The following NPAS2 variants were observed in gnomAD, a reference collection of about 807,000 sequenced individuals.
NPAS2 encodes neuronal PAS domain-containing protein 2.
Under a neutral mutation model 107.5 loss-of-function variants are expected in NPAS2, and 23 were observed. The ratio of observed to expected loss-of-function variants is 0.21; its 90% CI spans 0.15 to 0.30. The LOEUF (loss-of-function observed/expected upper bound fraction) is 0.30. NPAS2 is among the 10% of genes least tolerant of loss of function. The pLI is 1.00. For synonymous variants in NPAS2, 403 were observed against 417.5 expected, an observed-to-expected ratio of 0.97 and a Z score of 0.42; for missense variants, 756 against 1,043.3, an observed-to-expected ratio of 0.72 and a Z score of 3.79.
chr2:100,976,438 A>G lies in NPAS2; in HGVS notation c.1392+871A>G, dbSNP rs564577215. Among the ~76,000 whole-genome samples, 3 of 152,198 alleles carry G rather than the reference A, an allele frequency of 2.0e-5. No individual in the cohort carries two copies. In the South Asian group the frequency reaches 6.2e-4, roughly 32 times the overall value. On this transcript the variant is annotated intron_variant, in intron 14 of 20. Transcript: ENST00000335681. The surrounding 1 kb of genome is among the most constrained non-coding windows in gnomAD (Gnocchi z 4.1). ...GACCTAGCCACGGAAGTCATATAGT[A>G]TCACCACTGCCATACCTCTTGGTCA...
upstream of NPAS2, among the ~76,000 whole-genome samples, chr2:100,819,880 T>C (rs1175203050): frequency 6.6e-6 from 1 of 151,924 alleles, no homozygotes; most frequent in Non-Finnish European, 1.5e-5. This position sits in a 1 kb window ranked among gnomAD's most constrained non-coding sequence, Gnocchi z 5.8. Flanking sequence ...CAGCAGAGGC[T>C]GCGGCGGCCT....
At chr2:100,839,000 C>T (rs762264319) in intron 1 of NPAS2, among the ~76,000 whole-genome samples, 1 of 152,182 alleles carries the variant, frequency 6.6e-6, no homozygotes, top group Non-Finnish European at 1.5e-5. Context: ...CCTGACTCTC[C>T]TGCCTCCCCT....
chr2:100,839,624 A>G (rs900724729), intron 1 of NPAS2, among the ~76,000 whole-genome samples: 1 of 152,160 alleles, frequency 6.6e-6, no homozygotes, highest in Admixed American at 6.5e-5. Context: ...TAGGTTATTC[A>G]TAGTTAAGTT....
At chr2:100,974,743 C>A (rs562036099) in intron 12 of NPAS2, 60 bp from the exon 13 acceptor site, 8 of 1,554,748 alleles carry the variant, frequency 5.1e-6, no homozygotes, top group Non-Finnish European at 1.7e-6. Context: ...ACTAAAGTCA[C>A]GCCCACTGAT....
chr2:100,973,048 G>A (rs1400279094), intron 12 of NPAS2, among the ~76,000 whole-genome samples: 6 of 152,094 alleles, frequency 3.9e-5, no homozygotes, highest in East Asian at 3.9e-4. Flanking sequence ...GCATGGTGGC[G>A]TGCACCTGTA....
intron 5 of NPAS2, among the ~76,000 whole-genome samples, chr2:100,941,745 C>A (rs1212890002): frequency 1.3e-5 from 2 of 152,084 alleles, no homozygotes; most frequent in African/African-American, 4.8e-5. Flanking sequence ...GCATGAGTCA[C>A]GTGCCTTGGA....
chr2:100,841,108 T>A (rs576446037), intron 1 of NPAS2, among the ~76,000 whole-genome samples: 4 of 152,156 alleles, frequency 2.6e-5, no homozygotes, highest in Admixed American at 6.5e-5. Context: ...GCCTGGCATA[T>A]AGTGAGCAAA....
At chr2:100,973,549 C>A (rs1408428840) in intron 12 of NPAS2, among the ~76,000 whole-genome samples, 6 of 152,202 alleles carry the variant, frequency 3.9e-5, no homozygotes, top group Admixed American at 1.3e-4. Flanking sequence ...CCAGCCACAT[C>A]TGGTATTTCT....
At chr2:100,833,802 T>A (rs749621951) in intron 1 of NPAS2, among the ~76,000 whole-genome samples, 3 of 152,164 alleles carry the variant, frequency 2.0e-5, no homozygotes, top group Non-Finnish European at 2.9e-5. Context: ...TTCTTTTTTA[T>A]CTAAAGAGGC....
chr2:100,928,080 T>A (rs1462477595), intron 3 of NPAS2, among the ~76,000 whole-genome samples: 1 of 152,172 alleles, frequency 6.6e-6, no homozygotes, highest in Non-Finnish European at 1.5e-5. Flanking sequence ...TCATTATACT[T>A]CTTAGTCTTT....
At chr2:100,972,090 G>A (rs146870515) in intron 12 of NPAS2, among the ~76,000 whole-genome samples, 4,577 of 151,978 alleles carry the variant, frequency 0.03, 150 homozygotes, top group South Asian at 0.15. Context: ...TGGGATTATA[G>A]GCGCCCACCA....
Position 100,948,321 on chromosome 2 carries a change from T to A in NPAS2, c.450T>A (p.Leu150=). 6.2e-7 allele frequency: 1 copy of A among 1,612,114 alleles called. No individual in the cohort carries two copies. Among genetic ancestry groups the A allele is most frequent in the Middle Eastern group, 1.7e-4 (1 of 6,056 alleles). The change falls in exon 6 of 21, where the codon CTT becomes CTA. Residue 150 remains leucine (L), a synonymous_variant. Transcript: ENST00000335681. ...EVYKILSSHM[L]VTDSPSPEYL... is the part of the protein sequence containing the mutation. ...ATAAAATCCTTTCTTCCCATATGCT[T>A]GTGACGGATTCCCCCTCCCCAGAAT...
intron 7 of NPAS2, among the ~76,000 whole-genome samples, chr2:100,959,031 T>C (rs907731768): frequency 2.1e-5 from 3 of 143,132 alleles, no homozygotes; most frequent in African/African-American, 7.9e-5. Context: ...AGAAGTTAGA[T>C]AATTTGAGCT....
In NPAS2 at chr2:100,975,508, T is replaced by A; in HGVS notation, c.1333T>A (p.Ser445Thr). The A allele has an allele frequency of 1.2e-6, 2 of 1,613,492 alleles. No individual in the cohort carries two copies. Among genetic ancestry groups the A allele is most frequent in the South Asian group, 2.2e-5 (2 of 90,928 alleles). The stretch of plus-strand genomic sequence containing the variant: ...GGCCAGCACCCCGGCTTTGCCAAGA[T>A]CAGCCACCCTGCCCCAAGAGTTACC... ...AEASTPALPR[S>T]ATLPQELPVP... The change falls in exon 14 of 21, where the codon TCA becomes ACA. Residue 445 changes from serine to threonine, a missense_variant. Ser to Thr is a moderately conservative substitution (Grantham distance 58). Coordinates refer to ENST00000335681, the MANE Select transcript of NPAS2 (RefSeq NM_002518.4).
chr2:100,852,220 C>G (rs1037569920), intron 1 of NPAS2, among the ~76,000 whole-genome samples: 1 of 151,922 alleles, frequency 6.6e-6, no homozygotes, highest in African/African-American at 2.4e-5. Flanking sequence ...CACGGTGAAA[C>G]CCCGTCTCTC....
chr2:100,966,238 G>A (rs1448914025), intron 10 of NPAS2, among the ~76,000 whole-genome samples: 1 of 152,102 alleles, frequency 6.6e-6, no homozygotes, highest in Admixed American at 6.6e-5. Flanking sequence ...GCCAGAAATG[G>A]GTGACTTTGT....
chr2:100,945,224 C>G (rs1558897514), intron 5 of NPAS2, among the ~76,000 whole-genome samples: 1 of 152,154 alleles, frequency 6.6e-6, no homozygotes, highest in Non-Finnish European at 1.5e-5. Flanking sequence ...CTTCCTTTCC[C>G]TCCTCCTGTC....
chr2:100,887,852 G>C (rs900936681), intron 1 of NPAS2, among the ~76,000 whole-genome samples: 1 of 152,134 alleles, frequency 6.6e-6, no homozygotes, highest in Non-Finnish European at 1.5e-5. Context: ...CCCTGCATTC[G>C]CATCATTAGT....
intron 5 of NPAS2, among the ~76,000 whole-genome samples, chr2:100,938,862 C>T (rs906629358): frequency 1.3e-5 from 2 of 152,172 alleles, no homozygotes; most frequent in Admixed American, 6.5e-5. Context: ...CCGCTCTCCT[C>T]CCAGTGAGCC....
Sources: allele counts gnomAD v4.1 joint callset (sites outside exome capture counted in the v4.1 genomes callset), GRCh38; gene constraint gnomAD v4.1.1; non-coding constraint Gnocchi (gnomAD v3.1); transcripts MANE v1.5; gene names NCBI Gene and HGNC (gene_info 2026-07-23, HGNC 2026-07-21).